SLC39A11: variants seen among roughly 807,000 people sequenced by gnomAD.
SLC39A11 encodes the protein solute carrier family 39 member 11.
Under a neutral mutation model 36.1 loss-of-function variants are expected in SLC39A11, and 33 were observed. The observed-to-expected ratio is 0.91, with a 90% CI of 0.69 to 1.22. SLC39A11 has a LOEUF of 1.22. Ranked by LOEUF, SLC39A11 falls within the 50% of genes most tolerant of loss-of-function variation. The pLI, the probability that SLC39A11 is intolerant of heterozygous loss-of-function variation, is 0.00. For synonymous variants in SLC39A11, 166 were observed against 170.3 expected, an observed-to-expected ratio of 0.97 and a Z score of 0.20; for missense variants, 432 against 430.3, an observed-to-expected ratio of 1.00 and a Z score of -0.03.
intron 3 of SLC39A11, among the ~76,000 whole-genome samples, chr17:73,036,132 A>G (rs1216600513): frequency 1.3e-5 from 2 of 152,216 alleles, no homozygotes; most frequent in Admixed American, 6.5e-5. Context: ...TCAGACCTCC[A>G]GTACTGTAAG....
intron 5 of SLC39A11, among the ~76,000 whole-genome samples, chr17:72,885,703 G>C (rs2081407281): frequency 6.6e-6 from 1 of 151,968 alleles, no homozygotes; most frequent in South Asian, 2.1e-4. Context: ...TGTGCCATTG[G>C]CCCAGCCACC....
intron 4 of SLC39A11, among the ~76,000 whole-genome samples, chr17:73,007,042 C>G (rs2090226179): frequency 6.6e-6 from 1 of 152,190 alleles, no homozygotes; most frequent in Non-Finnish European, 1.5e-5. Context: ...CGCCACTGCC[C>G]AAGGAGCCTA....
intron 7 of SLC39A11, among the ~76,000 whole-genome samples, chr17:72,690,719 G>T (rs1384893285): frequency 1.3e-5 from 2 of 152,200 alleles, no homozygotes; most frequent in African/African-American, 4.8e-5. Context: ...CCCTGTGGTG[G>T]TGGGATGGAA....
chr17:72,807,670 G>A (rs2077305306), intron 6 of SLC39A11, among the ~76,000 whole-genome samples: 1 of 152,154 alleles, frequency 6.6e-6, no homozygotes, highest in South Asian at 2.1e-4. Flanking sequence ...GAAGGGCAGT[G>A]GGCCTGGAGA....
chr17:73,025,866 G>A (rs1222582864), intron 4 of SLC39A11, among the ~76,000 whole-genome samples: 2 of 152,192 alleles, frequency 1.3e-5, no homozygotes, highest in Non-Finnish European at 2.9e-5. Flanking sequence ...TGTAATTCCA[G>A]CACTTTGGGA....
At chr17:72,833,622 A>G (rs139161301) in intron 6 of SLC39A11, among the ~76,000 whole-genome samples, 1 of 152,322 alleles carries the variant, frequency 6.6e-6, no homozygotes, top group Non-Finnish European at 1.5e-5. Flanking sequence ...AAGTCACAGG[A>G]GGCTGTTCTG....
At position 73,021,347 on chromosome 17, in the gene SLC39A11, T is replaced by TTTCC. The variant is rs2058346311; in HGVS notation, c.306+10208_306+10209insGGAA. Among the ~76,000 whole-genome samples the TTTCC allele has an allele frequency of 2.0e-5, 3 of 150,388 alleles. No homozygotes were observed. In the East Asian group the frequency reaches 5.8e-4, roughly 29 times the overall value. On this transcript the variant is annotated intron_variant, in intron 4 of 9. Transcript: ENST00000255559. ...AGTTCCCTTACTCTTTCTTTCTTTC[T>TTTCC]TTTTTTTTTTAAGACATAGTCTTGC...
intron 6 of SLC39A11, among the ~76,000 whole-genome samples, chr17:72,787,713 T>C (rs1410137250): frequency 2.0e-5 from 3 of 152,202 alleles, no homozygotes; most frequent in Non-Finnish European, 2.9e-5. Flanking sequence ...ATTTTTAAAG[T>C]AGCAAAAACC....
At chr17:72,754,035 TATATATATATACACATACACAC>T (rs1249533730) in intron 6 of SLC39A11, among the ~76,000 whole-genome samples, 3 of 119,242 alleles carry the variant, frequency 2.5e-5, no homozygotes, top group African/African-American at 6.9e-5. Flanking sequence ...TATATATATA[TATATATATATACACATACACAC>T]ACACACACAC....
intron 3 of SLC39A11, among the ~76,000 whole-genome samples, chr17:73,059,768 GA>G (rs765617097): frequency 4.9e-4 from 74 of 152,074 alleles, no homozygotes; most frequent in Admixed American, 2.0e-3. Context: ...CTTTGTTAAG[GA>G]AAAAAAGAGT....
At chr17:72,992,208 C>T (rs1344377997) in intron 4 of SLC39A11, among the ~76,000 whole-genome samples, 2 of 151,956 alleles carry the variant, frequency 1.3e-5, no homozygotes, top group Non-Finnish European at 2.9e-5. Flanking sequence ...TAAAATTACT[C>T]GAGCTTGGTG....
At chr17:72,730,222 T>C (rs1256641410) in intron 7 of SLC39A11, among the ~76,000 whole-genome samples, 1 of 152,228 alleles carries the variant, frequency 6.6e-6, no homozygotes, top group African/African-American at 2.4e-5. Flanking sequence ...GCAATTCTGA[T>C]GATTTTTCCT....
In SLC39A11 at chr17:72,902,129, G is replaced by A. The variant is rs563378485; in HGVS notation, c.430+45623C>T. 2.1e-4 allele frequency among the ~76,000 whole-genome samples: 32 copies of A among 152,246 alleles called. 1 individual carries two copies. In the South Asian group the frequency reaches 5.2e-3, roughly 25 times the overall value. On this transcript the variant is annotated intron_variant, in intron 5 of 9. Coordinates refer to ENST00000255559, the MANE Select transcript of SLC39A11 (RefSeq NM_139177.4). ...TCTACTAAAAATACAAAATTAGCCA[G>A]GCGTGGTGGCACACGCCTGTAATCC...
At chr17:72,740,228 A>G (rs1568012633) in intron 6 of SLC39A11, among the ~76,000 whole-genome samples, 2 of 151,620 alleles carry the variant, frequency 1.3e-5, no homozygotes, top group Non-Finnish European at 2.9e-5. Flanking sequence ...ACGCCTGGCT[A>G]ATTTTTTGTA....
chr17:72,756,625 G>A (rs1431929844), intron 6 of SLC39A11, among the ~76,000 whole-genome samples: 1 of 152,186 alleles, frequency 6.6e-6, no homozygotes, highest in African/African-American at 2.4e-5. Context: ...AGAAGCTGGG[G>A]GAAGTGGGCA....
intron 1 of SLC39A11, 27 bp from the exon 2 acceptor site, chr17:73,088,802 C>T: frequency 6.6e-7 from 1 of 1,522,188 alleles, no homozygotes; most frequent in Non-Finnish European, 9.0e-7. Context: ...AGAGGGTCAG[C>T]CACCGGTGGT....
chr17:72,736,744 G>A (rs1227270233), intron 6 of SLC39A11, 25 bp from the exon 7 acceptor site: 1 of 1,583,262 alleles, frequency 6.3e-7, no homozygotes, highest in Non-Finnish European at 8.7e-7. Flanking sequence ...AGAAAAGCAA[G>A]AGGGGTTAGG....
chr17:72,966,330 T>C (rs767524381), intron 4 of SLC39A11, among the ~76,000 whole-genome samples: 4 of 152,184 alleles, frequency 2.6e-5, no homozygotes, highest in Non-Finnish European at 5.9e-5. Flanking sequence ...CTTTCGGGTG[T>C]GGGCATTCCT....
At chr17:72,932,750 C>A (rs2084496622) in intron 5 of SLC39A11, among the ~76,000 whole-genome samples, 1 of 152,136 alleles carries the variant, frequency 6.6e-6, no homozygotes, top group Non-Finnish European at 1.5e-5. Flanking sequence ...ATACAATATA[C>A]TAGGCACCAT....
Sources: allele counts gnomAD v4.1 joint callset (sites outside exome capture counted in the v4.1 genomes callset), GRCh38; gene constraint gnomAD v4.1.1; transcripts MANE v1.5; gene names NCBI Gene and HGNC (gene_info 2026-07-23, HGNC 2026-07-21).